TRHDE: variants seen among roughly 807,000 people sequenced by gnomAD.
TRHDE encodes the protein thyrotropin-releasing hormone-degrading ectoenzyme.
TRHDE carries 72 observed loss-of-function variants against 125.7 expected under a neutral mutation model. The observed-to-expected ratio is 0.57, with a 90% confidence interval of 0.47 to 0.70. The LOEUF is 0.70. Ranked by LOEUF, TRHDE falls within the 30% of genes least tolerant of loss-of-function variation. The probability of loss-of-function intolerance (pLI) is 0.00; values close to 1 mark genes in which losing one functional copy is unlikely to be tolerated. For missense variants in TRHDE, 1,110 were observed against 1,327.1 expected, an observed-to-expected ratio of 0.84 and a Z score of 2.54; for synonymous variants, 509 against 509.1, an observed-to-expected ratio of 1.00 and a Z score of 0.00.
At chr12:72,406,103 C>T (rs967229992) in intron 3 of TRHDE, among the ~76,000 whole-genome samples, 1 of 152,132 alleles carries the variant, frequency 6.6e-6, no homozygotes, top group African/African-American at 2.4e-5. Flanking sequence ...CTAGGACTCT[C>T]AAGGCTTTTA....
chr12:72,439,312 G>T (rs1004434569), intron 3 of TRHDE, among the ~76,000 whole-genome samples: 4 of 151,614 alleles, frequency 2.6e-5, no homozygotes, highest in Admixed American at 6.6e-5. Context: ...AAAATTTTGA[G>T]ATTTTTTTCT....
chr12:72,167,056 AG>A (rs1312027890), intron 2 of TRHDE, among the ~76,000 whole-genome samples: 1 of 152,060 alleles, frequency 6.6e-6, no homozygotes, highest in African/African-American at 2.4e-5. Flanking sequence ...GGATGCGCCC[AG>A]GGGCTGAGGC....
At chr12:72,115,289 G>T (rs915577846) in intron 2 of TRHDE, among the ~76,000 whole-genome samples, 1 of 125,106 alleles carries the variant, frequency 8.0e-6, no homozygotes, top group Non-Finnish European at 1.5e-5. Flanking sequence ...TTTAGCTTCC[G>T]CATGTGAAGT....
chr12:72,658,621 T>C (rs569060496), intron 18 of TRHDE, among the ~76,000 whole-genome samples: 1 of 152,344 alleles, frequency 6.6e-6, no homozygotes, highest in Non-Finnish European at 1.5e-5. Context: ...TTTTATCACA[T>C]ACTGACTGTT....
intron 3 of TRHDE, among the ~76,000 whole-genome samples, chr12:72,399,736 G>A (rs1285818802): frequency 1.3e-5 from 2 of 151,928 alleles, no homozygotes; most frequent in Non-Finnish European, 2.9e-5. Flanking sequence ...TAAAAATCTT[G>A]TTGTTTTTTT....
At chr12:72,597,707 GTGTATGTATATATATATATA>G (rs1171223964) in intron 12 of TRHDE, among the ~76,000 whole-genome samples, 2 of 47,636 alleles carry the variant, frequency 4.2e-5, no homozygotes, top group African/African-American at 1.7e-4. Flanking sequence ...ATATGTGTGT[GTGTATGTATATATATATATA>G]TATATATATA....
chr12:72,116,354 A>G (rs1326566324), intron 2 of TRHDE, among the ~76,000 whole-genome samples: 1 of 152,206 alleles, frequency 6.6e-6, no homozygotes, highest in Non-Finnish European at 1.5e-5. Context: ...AGAATGATTT[A>G]TAATCTTTTG....
At chr12:72,483,443 C>T (rs663064) in intron 5 of TRHDE, among the ~76,000 whole-genome samples, 59,471 of 151,654 alleles carry the variant, frequency 0.39, 14,329 homozygotes, top group African/African-American at 0.67. Flanking sequence ...ATTAAAGAAA[C>T]TTATATTCTT....
intron 6 of TRHDE, among the ~76,000 whole-genome samples, chr12:72,535,381 T>G (rs1868802286): frequency 6.6e-6 from 1 of 152,024 alleles, no homozygotes; most frequent in Non-Finnish European, 1.5e-5. Flanking sequence ...TGAGAACCCA[T>G]CTGGGGTTGT....
intron 15 of TRHDE, among the ~76,000 whole-genome samples, chr12:72,625,151 T>C (rs1224478662): frequency 6.6e-6 from 1 of 151,912 alleles, no homozygotes; most frequent in East Asian, 1.9e-4. Flanking sequence ...CAGTTAACTG[T>C]ACAGAGATCA....
At chr12:72,108,109 A>G (rs1460894718) in intron 2 of TRHDE, among the ~76,000 whole-genome samples, 1 of 152,142 alleles carries the variant, frequency 6.6e-6, no homozygotes. Context: ...AAACCAGCCA[A>G]TTCTGGGAAG....
chr12:72,326,266 C>CTTCATCTA (rs1249146447), intron 2 of TRHDE, among the ~76,000 whole-genome samples: 1 of 152,070 alleles, frequency 6.6e-6, no homozygotes, highest in Non-Finnish European at 1.5e-5. Context: ...TCTTATCAGG[C>CTTCATCTA]TTCATCTATA....
chr12:72,088,862 C>A (rs951088915), intron 1 of TRHDE, among the ~76,000 whole-genome samples: 2 of 151,944 alleles, frequency 1.3e-5, no homozygotes, highest in Non-Finnish European at 2.9e-5. Context: ...CAGTCAGCTT[C>A]TTGGTTTCAA....
At chr12:72,292,223 G>A (rs1199858397) in intron 2 of TRHDE, among the ~76,000 whole-genome samples, 1 of 152,090 alleles carries the variant, frequency 6.6e-6, no homozygotes, top group Non-Finnish European at 1.5e-5. Context: ...GAGTTTCTGA[G>A]GTCTTGATAA....
At chr12:72,493,502 T>A (rs1437047573) in intron 5 of TRHDE, among the ~76,000 whole-genome samples, 1 of 151,944 alleles carries the variant, frequency 6.6e-6, no homozygotes, top group Non-Finnish European at 1.5e-5. Flanking sequence ...TTATGCAATG[T>A]TGTCCTGTTT....
chr12:72,364,144 A>C (rs1423937123), intron 2 of TRHDE, among the ~76,000 whole-genome samples: 1 of 152,100 alleles, frequency 6.6e-6, no homozygotes, highest in Non-Finnish European at 1.5e-5. Flanking sequence ...ATGGAAGAAC[A>C]TTCCATGCTC....
chr12:72,329,523 T>C (rs1869488710), intron 2 of TRHDE, among the ~76,000 whole-genome samples: 1 of 152,186 alleles, frequency 6.6e-6, no homozygotes, highest in African/African-American at 2.4e-5. Flanking sequence ...GGGTGTTGTA[T>C]AACATTTTAA....
chr12:72,340,523 C>T (rs1325391461), intron 2 of TRHDE, among the ~76,000 whole-genome samples: 1 of 152,138 alleles, frequency 6.6e-6, no homozygotes, highest in Non-Finnish European at 1.5e-5. Context: ...CTACTTCTCT[C>T]TTACATAAAA....
intron 6 of TRHDE, among the ~76,000 whole-genome samples, chr12:72,526,254 C>A (rs141844017): frequency 6.6e-6 from 1 of 151,994 alleles, no homozygotes; most frequent in African/African-American, 2.4e-5. Context: ...TCAGGATACT[C>A]GGGAGCAAAT....
Sources: allele counts gnomAD v4.1 joint callset (sites outside exome capture counted in the v4.1 genomes callset), GRCh38; gene constraint gnomAD v4.1.1; transcripts MANE v1.5; gene names NCBI Gene and HGNC (gene_info 2026-07-23, HGNC 2026-07-21).